The following FAT3 variants were observed in gnomAD, a reference collection of about 807,000 sequenced individuals.
FAT3 encodes the protein protocadherin Fat 3.
A neutral mutation model predicts 310.2 loss-of-function variants in FAT3; 95 were observed. That is an observed-to-expected ratio of 0.31 (90% CI 0.26 to 0.36). The LOEUF is 0.36. FAT3 is among the 10% of genes least tolerant of loss of function. The probability of loss-of-function intolerance (pLI) is 1.00; values close to 1 mark genes in which losing one functional copy is unlikely to be tolerated. For missense variants in FAT3, 5,408 were observed against 5,715.6 expected, an observed-to-expected ratio of 0.95 and a Z score of 1.74; for synonymous variants, 2,314 against 2,192.9, an observed-to-expected ratio of 1.06 and a Z score of -1.54.
At chr11:92,503,624 C>T (rs1261067900) in intron 2 of FAT3, among the ~76,000 whole-genome samples, 1 of 152,108 alleles carries the variant, frequency 6.6e-6, no homozygotes, top group Non-Finnish European at 1.5e-5. Flanking sequence ...AATCTCTCAA[C>T]CTCTCTCTTT....
At chr11:92,725,430 C>T (rs1419739775) in intron 4 of FAT3, among the ~76,000 whole-genome samples, 1 of 152,128 alleles carries the variant, frequency 6.6e-6, no homozygotes, top group Non-Finnish European at 1.5e-5. Context: ...TCCCAACTAC[C>T]TCATCAAAGT....
chr11:92,761,334 A>T (rs1946145584), intron 4 of FAT3, among the ~76,000 whole-genome samples: 1 of 152,170 alleles, frequency 6.6e-6, no homozygotes, highest in South Asian at 2.1e-4. Context: ...TGAGGGTTTG[A>T]TCCTCATGAT....
intron 2 of FAT3, among the ~76,000 whole-genome samples, chr11:92,357,822 AAGAT>A (rs1948774497): frequency 6.6e-6 from 1 of 152,024 alleles, no homozygotes; most frequent in South Asian, 2.1e-4. Context: ...TTATTTAGAA[AAGAT>A]ACGTATCTGC....
intron 2 of FAT3, among the ~76,000 whole-genome samples, chr11:92,420,041 T>C (rs1223213359): frequency 6.6e-6 from 1 of 152,242 alleles, no homozygotes; most frequent in Non-Finnish European, 1.5e-5. Context: ...TAGGTGATTA[T>C]CAGAGCAAGG....
intron 2 of FAT3, among the ~76,000 whole-genome samples, chr11:92,492,137 G>A (rs12281881): frequency 2.4e-3 from 371 of 152,158 alleles, no homozygotes; most frequent in African/African-American, 8.3e-3. Flanking sequence ...AATTATATAT[G>A]TACTCCTATT....
At chr11:92,515,423 A>C (rs540890035) in intron 2 of FAT3, among the ~76,000 whole-genome samples, 1 of 152,278 alleles carries the variant, frequency 6.6e-6, no homozygotes, top group African/African-American at 2.4e-5. Context: ...GGAAAACATG[A>C]GTAAGAAAGT....
Position 92,761,288 on chromosome 11 carries a change from T to A in FAT3, c.3670-568T>A, listed in dbSNP as rs151261949. Among the ~76,000 whole-genome samples the A allele has an allele frequency of 1.4e-4, 21 of 152,342 alleles. No individual in the cohort carries two copies. In the East Asian group the frequency reaches 4.0e-3, roughly 29 times the overall value. ...ATATGGTGGAAGGGAAAAGCAAGCCTTCACAGCCTCTTTCGAAGGGCACTA... is the reference window on the plus strand; with the variant it reads ...ATATGGTGGAAGGGAAAAGCAAGCCATCACAGCCTCTTTCGAAGGGCACTA... On this transcript the variant is annotated intron_variant, in intron 4 of 27. Coordinates refer to ENST00000525166, the MANE Select transcript of FAT3 (RefSeq NM_001367949.2).
intron 12 of FAT3, among the ~76,000 whole-genome samples, chr11:92,807,157 A>T (rs1420596537): frequency 6.6e-6 from 1 of 152,130 alleles, no homozygotes; most frequent in Non-Finnish European, 1.5e-5. Flanking sequence ...TTTCTTTTGG[A>T]AAGAAGTTTT....
chr11:92,707,707 T>C (rs1357395007), intron 4 of FAT3, among the ~76,000 whole-genome samples: 2 of 152,146 alleles, frequency 1.3e-5, no homozygotes, highest in Non-Finnish European at 2.9e-5. Context: ...CTTCTTTCCT[T>C]TGTGTTGCTT....
chr11:92,437,898 A>AG (rs1950977650), intron 2 of FAT3, among the ~76,000 whole-genome samples: 2 of 151,924 alleles, frequency 1.3e-5, no homozygotes, highest in Non-Finnish European at 2.9e-5. Context: ...TGGTGGGAGA[A>AG]AGAGAGACAC....
chr11:92,783,414 T>A (rs1946806393), intron 7 of FAT3, among the ~76,000 whole-genome samples: 1 of 142,348 alleles, frequency 7.0e-6, no homozygotes, highest in Admixed American at 7.1e-5. Flanking sequence ...TGTATTTAGA[T>A]TAGGAAAATG....
intron 1 of FAT3, among the ~76,000 whole-genome samples, chr11:92,325,092 T>C (rs1457389193): frequency 2.0e-5 from 3 of 152,180 alleles, no homozygotes; most frequent in African/African-American, 7.2e-5. Context: ...TCTCTGGGGA[T>C]TGTTGTTTGA....
intron 3 of FAT3, among the ~76,000 whole-genome samples, chr11:92,616,355 T>C (rs1940804611): frequency 7.4e-6 from 1 of 135,076 alleles, no homozygotes; most frequent in Non-Finnish European, 1.6e-5. Flanking sequence ...GTCCCTTTAT[T>C]TTGAGCCTGT....
chr11:92,591,737 G>T (rs1183594664), intron 3 of FAT3, among the ~76,000 whole-genome samples: 1 of 152,136 alleles, frequency 6.6e-6, no homozygotes, highest in Non-Finnish European at 1.5e-5. Context: ...AAAAGGCATA[G>T]AATTTTATCA....
At chr11:92,873,472 C>T (rs1293132023) in intron 22 of FAT3, among the ~76,000 whole-genome samples, 2 of 152,146 alleles carry the variant, frequency 1.3e-5, no homozygotes, top group Non-Finnish European at 2.9e-5. Flanking sequence ...CAAACCTGAT[C>T]AGAATGATGT....
At chr11:92,291,673 A>G (rs1565205400) in intron 1 of FAT3, among the ~76,000 whole-genome samples, 1 of 152,088 alleles carries the variant, frequency 6.6e-6, no homozygotes, top group Non-Finnish European at 1.5e-5. Context: ...ATAAAATTCC[A>G]ATCTACTCTG....
At chr11:92,411,984 C>T (rs1950280378) in intron 2 of FAT3, among the ~76,000 whole-genome samples, 1 of 151,980 alleles carries the variant, frequency 6.6e-6, no homozygotes, top group African/African-American at 2.4e-5. Flanking sequence ...CTTGTCTGGG[C>T]TTTCCCTAAA....
chr11:92,562,464 G>A (rs1476945752), intron 3 of FAT3, among the ~76,000 whole-genome samples: 1 of 152,162 alleles, frequency 6.6e-6, no homozygotes, highest in African/African-American at 2.4e-5. Context: ...CTTCTTACCT[G>A]TAAAGTGGAT....
chr11:92,823,365 G>C (rs1948020545), intron 13 of FAT3, among the ~76,000 whole-genome samples: 1 of 152,120 alleles, frequency 6.6e-6, no homozygotes. Flanking sequence ...AGTTGAAAAA[G>C]TTTAACCCAG....
Sources: allele counts gnomAD v4.1 joint callset (sites outside exome capture counted in the v4.1 genomes callset), GRCh38; gene constraint gnomAD v4.1.1; transcripts MANE v1.5; gene names NCBI Gene and HGNC (gene_info 2026-07-23, HGNC 2026-07-21).